The following GRIK3 variants were observed in gnomAD, a reference collection of about 807,000 sequenced individuals.
GRIK3 encodes glutamate receptor ionotropic, kainate 3.
GRIK3 carries 29 observed loss-of-function variants against 102.5 expected under a neutral mutation model. That is an observed-to-expected ratio of 0.28 (90% CI 0.21 to 0.39). The LOEUF is 0.39. Ranked by LOEUF, GRIK3 falls within the 10% of genes least tolerant of loss-of-function variation. The pLI is 1.00. For synonymous variants in GRIK3, 511 were observed against 504.9 expected, an observed-to-expected ratio of 1.01 and a Z score of -0.16; for missense variants, 908 against 1,252.4, an observed-to-expected ratio of 0.73 and a Z score of 4.15.
chr1:36,808,687 A>G (rs902315424), intron 13 of GRIK3, among the ~76,000 whole-genome samples: 3 of 152,196 alleles, frequency 2.0e-5, no homozygotes, highest in African/African-American at 7.2e-5. Flanking sequence ...CCCATGAGGG[A>G]CCCTGAGCCA....
intron 1 of GRIK3, among the ~76,000 whole-genome samples, chr1:36,957,905 G>GCC (rs1641941992): frequency 1.4e-5 from 1 of 72,472 alleles, no homozygotes; most frequent in African/African-American, 7.8e-5. Context: ...TGCCCTGTGA[G>GCC]TCTGTGCCCC....
intron 4 of GRIK3, among the ~76,000 whole-genome samples, chr1:36,871,108 T>C (rs1046475113): frequency 2.6e-5 from 4 of 152,102 alleles, no homozygotes; most frequent in East Asian, 3.9e-4. Flanking sequence ...GAAGCCTCCA[T>C]AATGGTATGA....
rs768974889 is a variant in GRIK3 at position 37,034,126 on chromosome 1, C to A, written c.-18G>T. ...GCGGTCATCGTTGGGCGCCGCCGAG[C>A]GTGCCCGGGGCGCGGCCGTGGCGGG... On this transcript the variant is annotated 5_prime_UTR_variant, in exon 1 of 16. Transcript: ENST00000373091. 2.1e-6 allele frequency: 3 copies of A among 1,414,162 alleles called. No homozygotes were observed. The highest frequency in any genetic ancestry group is 1.9e-5 in the Admixed American group (1 of 51,660). The allele number at this position is 1,414,162 out of a possible 1,614,324, so 87.6% of individuals were successfully genotyped here.
At chr1:36,842,670 G>T (rs950161048) in intron 9 of GRIK3, among the ~76,000 whole-genome samples, 1 of 152,214 alleles carries the variant, frequency 6.6e-6, no homozygotes, top group Non-Finnish European at 1.5e-5. Context: ...ATGAGTTTAT[G>T]CCCATGGGGG....
chr1:36,955,304 C>T (rs1046576092), intron 1 of GRIK3, among the ~76,000 whole-genome samples: 2 of 152,194 alleles, frequency 1.3e-5, no homozygotes, highest in Non-Finnish European at 2.9e-5. Context: ...CGGTGGGGTA[C>T]AGGGGCTGGG....
intron 8 of GRIK3, among the ~76,000 whole-genome samples, chr1:36,852,193 ATAATTACAGAG>A (rs576312806): frequency 6.8e-4 from 103 of 152,316 alleles, no homozygotes; most frequent in African/African-American, 2.4e-3. Flanking sequence ...ATGGTGTGAA[ATAATTACAGAG>A]TAATAGGGAG....
At chr1:36,950,551 T>C (rs543151919) in intron 1 of GRIK3, among the ~76,000 whole-genome samples, 27 of 152,376 alleles carry the variant, frequency 1.8e-4, no homozygotes, top group African/African-American at 6.3e-4. Flanking sequence ...GAAGCTGGAA[T>C]GGCCTTTGGA....
At chr1:36,954,710 C>T in intron 1 of GRIK3, among the ~76,000 whole-genome samples, 1 of 152,234 alleles carries the variant, frequency 6.6e-6, no homozygotes, top group East Asian at 1.9e-4. Context: ...CAGGTCCACA[C>T]ACACGCAGAG....
At chr1:36,825,204 G>A (rs1005236989) in intron 11 of GRIK3, among the ~76,000 whole-genome samples, 1 of 152,152 alleles carries the variant, frequency 6.6e-6, no homozygotes, top group Non-Finnish European at 1.5e-5. Flanking sequence ...GGCTTGGATA[G>A]ACACACCCTG....
chr1:36,956,978 G>A (rs1408209365), intron 1 of GRIK3, among the ~76,000 whole-genome samples: 1 of 152,212 alleles, frequency 6.6e-6, no homozygotes, highest in African/African-American at 2.4e-5. Context: ...CATCACTCTG[G>A]GCGATGCCCA....
chr1:36,949,323 T>C (rs1374015527), intron 1 of GRIK3, among the ~76,000 whole-genome samples: 3 of 152,158 alleles, frequency 2.0e-5, no homozygotes, highest in East Asian at 3.9e-4. Context: ...GTCCCCCTAC[T>C]GAAGCTACTA....
chr1:37,029,907 CAGG>C (rs1320466809), intron 1 of GRIK3, among the ~76,000 whole-genome samples: 1 of 152,352 alleles, frequency 6.6e-6, no homozygotes, highest in African/African-American at 2.4e-5. Context: ...CTGCCGGCTA[CAGG>C]AGGATGCAGG....
At chr1:37,021,532 T>G (rs1055302635) in intron 1 of GRIK3, among the ~76,000 whole-genome samples, 50 of 152,316 alleles carry the variant, frequency 3.3e-4, no homozygotes, top group Admixed American at 3.0e-3. Context: ...ACAGTCCCCA[T>G]AGACCAGCCA....
At chr1:36,923,679 C>T (rs1007709826) in intron 1 of GRIK3, among the ~76,000 whole-genome samples, 5 of 152,216 alleles carry the variant, frequency 3.3e-5, no homozygotes, top group African/African-American at 1.2e-4. Context: ...TCTCTCCCAA[C>T]TCCTTGTCTC....
chr1:36,892,993 T>A (rs999880531), intron 1 of GRIK3, among the ~76,000 whole-genome samples: 3 of 152,290 alleles, frequency 2.0e-5, no homozygotes, highest in Non-Finnish European at 2.9e-5. Context: ...GAAATTTAAG[T>A]TAGAATTCAA....
At chr1:36,885,214 A>C (rs1413765357) in intron 2 of GRIK3, among the ~76,000 whole-genome samples, 1 of 152,154 alleles carries the variant, frequency 6.6e-6, no homozygotes, top group Non-Finnish European at 1.5e-5. Flanking sequence ...TGGTGCCTTC[A>C]CTGTAGTGGT....
chr1:36,962,558 T>C (rs528233160), intron 1 of GRIK3, among the ~76,000 whole-genome samples: 21 of 151,486 alleles, frequency 1.4e-4, no homozygotes, highest in Non-Finnish European at 2.5e-4. Context: ...GCCCTGGGTT[T>C]GTGTGCAGTG....
intron 3 of GRIK3, among the ~76,000 whole-genome samples, chr1:36,873,991 T>G (rs749312416): frequency 6.6e-6 from 1 of 152,214 alleles, no homozygotes; most frequent in Non-Finnish European, 1.5e-5. Context: ...CACTTCAGCC[T>G]CTGGATCAAA....
Position 36,821,151 on chromosome 1 carries a change from T to C in GRIK3, c.1755-1297A>G, listed in dbSNP as rs575125154. ...CCCTTCTAAAAGCTGTAATATATTA[T>C]ACATTGATTACCAGTGGTCATGTGG... On this transcript the variant is annotated intron_variant, in intron 11 of 15. Coordinates refer to ENST00000373091, the MANE Select transcript of GRIK3 (RefSeq NM_000831.4). Among the ~76,000 whole-genome samples, 30 of 152,364 alleles carry C rather than the reference T, an allele frequency of 2.0e-4. No homozygotes were observed. In the South Asian group the frequency reaches 6.2e-3, roughly 32 times the overall value.
Sources: allele counts gnomAD v4.1 joint callset (sites outside exome capture counted in the v4.1 genomes callset), GRCh38; gene constraint gnomAD v4.1.1; transcripts MANE v1.5; gene names NCBI Gene and HGNC (gene_info 2026-07-23, HGNC 2026-07-21).